Variants in PCDHGA6 observed in about 807,000 individuals in gnomAD.
PCDHGA6 encodes protocadherin gamma subfamily A, 6, also known as protocadherin gamma-A6.
In PCDHGA6, 41 loss-of-function variants were observed where a neutral mutation model predicts 60.6. That is an observed-to-expected ratio of 0.68 (90% CI 0.53 to 0.88). The LOEUF (loss-of-function observed/expected upper bound fraction) is 0.88. PCDHGA6 is among the 40% of genes least tolerant of loss of function. PCDHGA6 has a pLI of 0.00. For missense variants in PCDHGA6, 1,312 were observed against 1,203.0 expected (o/e 1.09, Z -1.34); for synonymous variants, 594 against 524.4 (o/e 1.13, Z -1.81).
At chr5:141,459,315 T>C (rs2154566534) in intron 1 of PCDHGA6, among the ~76,000 whole-genome samples, 1 of 152,362 alleles carries the variant, frequency 6.6e-6, no homozygotes, top group East Asian at 1.9e-4. Context: ...CTATTTTGTA[T>C]CCATCTTCTT....
chr5:141,488,210 A>G (rs2099673009), intron 1 of PCDHGA6, among the ~76,000 whole-genome samples: 1 of 152,192 alleles, frequency 6.6e-6, no homozygotes, highest in Admixed American at 6.5e-5. Context: ...ACTCATATCA[A>G]GTCCCTACTG....
intron 1 of PCDHGA6, chr5:141,383,516 G>A (rs757438983): frequency 3.0e-5 from 49 of 1,612,406 alleles, no homozygotes; most frequent in Non-Finnish European, 3.6e-5. Flanking sequence ...GAGGAAGAGC[G>A]GGTTCACCAC....
At position 141,478,875 on chromosome 5, in the gene PCDHGA6, G is replaced by A. The variant is rs913320768; in HGVS notation, c.2425-15932G>A. On this transcript the variant is annotated intron_variant, in intron 1 of 3. Coordinates refer to ENST00000517434, the MANE Select transcript of PCDHGA6 (RefSeq NM_018919.3). ...ACAAGATCTCAGCGATCAGAGTTTA[G>A]CTTGGTATCATTTACATTAGGAATA... The A allele has an allele frequency of 2.4e-6, 3 of 1,273,470 alleles. No homozygotes were observed. The South Asian group carries it at 4.8e-5, about 21-fold the overall frequency. 78.9% of individuals were successfully genotyped at this position (1,273,470 alleles called of 1,614,324 possible).
chr5:141,502,866 CTTTT>C (rs549047197), intron 2 of PCDHGA6, among the ~76,000 whole-genome samples: 1 of 128,042 alleles, frequency 7.8e-6, no homozygotes. Context: ...GACTCTCTGT[CTTTT>C]TTTTTTTTTT....
chr5:141,384,953 A>G, intron 1 of PCDHGA6: 1 of 1,613,944 alleles, frequency 6.2e-7, no homozygotes, highest in Non-Finnish European at 8.5e-7. Context: ...GACGGTCCTT[A>G]CAACTATGAC....
chr5:141,393,268 A>C, intron 1 of PCDHGA6: 1 of 1,613,946 alleles, frequency 6.2e-7, no homozygotes, highest in South Asian at 1.1e-5. Flanking sequence ...GGAGCACGTT[A>C]TCCACTCCCA....
intron 1 of PCDHGA6, chr5:141,415,772 T>TTA: frequency 7.5e-7 from 1 of 1,332,978 alleles, no homozygotes; most frequent in Non-Finnish European, 9.6e-7. Flanking sequence ...TTTTTTTTTT[T>TTA]ACTTTCTGGT....
chr5:141,496,723 T>G (rs1312615861), intron 2 of PCDHGA6, among the ~76,000 whole-genome samples: 3 of 152,212 alleles, frequency 2.0e-5, no homozygotes, highest in Non-Finnish European at 4.4e-5. Context: ...AAGTCATTAA[T>G]GTATTCATTC....
At position 141,375,921 on chromosome 5, in the gene PCDHGA6, A is replaced by G; in HGVS notation, c.1838A>G (p.Glu613Gly). The change falls in exon 1 of 4, where the codon GAG becomes GGG. Residue 613 changes from glutamate to glycine, a missense_variant. Glu to Gly is a moderately conservative substitution (Grantham distance 98, BLOSUM62 -2). Transcript: ENST00000517434. ...WLSYRLLKAS[E>G]PGLFSVGLHT... ...TCCTACCGCCTGCTCAAGGCCAGCGAGCCAGGACTTTTCTCAGTGGGCCTG... is the reference window on the plus strand; with the variant it reads ...TCCTACCGCCTGCTCAAGGCCAGCGGGCCAGGACTTTTCTCAGTGGGCCTG... 1 of 1,613,712 alleles carries G rather than the reference A, an allele frequency of 6.2e-7. No individual in the cohort carries two copies. The highest frequency in any genetic ancestry group is 1.7e-5 in the Admixed American group (1 of 60,032).
Position 141,496,980 on chromosome 5 carries a change from G to A in PCDHGA6, c.2483+2115G>A, listed in dbSNP as rs186715298. On this transcript the variant is annotated intron_variant, in intron 2 of 3. Coordinates refer to ENST00000517434, the MANE Select transcript of PCDHGA6 (RefSeq NM_018919.3). ...GTGGGTAGATCACTTGAGGTCAGGG[G>A]TTTGAGACCAGCCTGGCAGCCAACA... Among the ~76,000 whole-genome samples the A allele has an allele frequency of 1.6e-3, 236 of 152,074 alleles. 2 individuals are homozygous for A. Among genetic ancestry groups the A allele is most frequent in the South Asian group, 7.5e-3 (36 of 4,814 alleles).
intron 1 of PCDHGA6, chr5:141,388,940 C>T: frequency 6.2e-7 from 1 of 1,613,966 alleles, no homozygotes; most frequent in South Asian, 1.1e-5. Context: ...CTCTACCCAA[C>T]CTAATTATGG....
At chr5:141,447,178 C>T (rs1258561542) in intron 1 of PCDHGA6, among the ~76,000 whole-genome samples, 2 of 152,094 alleles carry the variant, frequency 1.3e-5, no homozygotes, top group Middle Eastern at 3.4e-3. Context: ...TTGCTCTTGT[C>T]GCGCAGGCTG....
In PCDHGA6 at chr5:141,487,938, G is replaced by A; in HGVS notation, c.2425-6869G>A. ...GAGGCTACAGTGCACAGGGTACAGT[G>A]CACCAGGCAGTCACTTGGACAAAGG... is the stretch of plus-strand genomic sequence containing the variant. On this transcript the variant is annotated intron_variant, in intron 1 of 3. Coordinates refer to ENST00000517434, the MANE Select transcript of PCDHGA6 (RefSeq NM_018919.3). This position sits in a 1 kb window ranked among gnomAD's most constrained non-coding sequence, Gnocchi z 5.0. 1.7e-6 allele frequency: 1 copy of A among 600,308 alleles called. No homozygotes were observed. The highest frequency in any genetic ancestry group is 2.9e-6 in the Non-Finnish European group (1 of 342,970). 37.2% of individuals were successfully genotyped at this position (600,308 alleles called of 1,614,324 possible).
rs1047637676 is a variant in PCDHGA6, at chr5:141,449,606, A to G, written c.2425-45201A>G. The stretch of plus-strand genomic sequence containing the variant: ...TCTGTCTCAAAAAAAAAAAAAAAAA[A>G]AGTAAAAAAGTTTTTTAAAAAGATG... On this transcript the variant is annotated intron_variant, in intron 1 of 3. Transcript: ENST00000517434. 3.9e-3 allele frequency among the ~76,000 whole-genome samples: 591 copies of G among 150,802 alleles called. 2 individuals carry two copies. The highest frequency in any genetic ancestry group is 0.01 in the Middle Eastern group (3 of 290).
intron 1 of PCDHGA6, chr5:141,421,959 A>T: frequency 6.2e-7 from 1 of 1,612,798 alleles, no homozygotes; most frequent in Non-Finnish European, 8.5e-7. Flanking sequence ...CAATGTTTAC[A>T]CAGTCCGTAT....
chr5:141,393,731 T>C (rs1268576228), intron 1 of PCDHGA6: 1 of 1,613,754 alleles, frequency 6.2e-7, no homozygotes, highest in Non-Finnish European at 8.5e-7. Context: ...TAGCAAAAAG[T>C]CTAGATTATG....
chr5:141,444,551 G>A (rs758187608), intron 1 of PCDHGA6, among the ~76,000 whole-genome samples: 1 of 152,022 alleles, frequency 6.6e-6, no homozygotes, highest in Non-Finnish European at 1.5e-5. Context: ...TGAGCAAAAG[G>A]CACTTATTTG....
Position 141,431,887 on chromosome 5 carries a change from T to G in PCDHGA6, c.2424+55380T>G. ...TTTTAAATGTAAATGACCAAGATTC[T>G]GAGGAAAACGGACAGGTGATCTGTT... On this transcript the variant is annotated intron_variant, in intron 1 of 3. Transcript: ENST00000517434. The surrounding 1 kb of genome is among the most constrained non-coding windows in gnomAD (Gnocchi z 4.8). 6.2e-7 allele frequency: 1 copy of G among 1,614,190 alleles called. No individual in the cohort carries two copies. Among genetic ancestry groups the G allele is most frequent in the Non-Finnish European group, 8.5e-7 (1 of 1,179,996 alleles).
intron 1 of PCDHGA6, chr5:141,376,715 T>C: frequency 1.6e-6 from 1 of 622,970 alleles, no homozygotes; most frequent in Non-Finnish European, 2.6e-6. Flanking sequence ...AGTCTCGCTC[T>C]GTCGCCCAGG....
Sources: gnomAD v4.1 joint callset for allele counts (sites outside exome capture counted in the v4.1 genomes callset) on GRCh38, gnomAD v4.1.1 for gene constraint, Gnocchi (gnomAD v3.1) non-coding constraint, MANE v1.5 for transcripts, NCBI Gene and HGNC (gene_info 2026-07-23, HGNC 2026-07-21) for gene names.